The following IL1RAPL2 variants were observed in gnomAD, a reference collection of about 807,000 sequenced individuals.
IL1RAPL2 encodes the protein X-linked interleukin-1 receptor accessory protein-like 2.
IL1RAPL2 carries 3 observed loss-of-function variants against 44.1 expected under a neutral mutation model. That is an observed-to-expected ratio of 0.07 (90% CI 0.03 to 0.18). IL1RAPL2 has a LOEUF of 0.18. IL1RAPL2 is among the 10% of genes least tolerant of loss of function. The pLI is 1.00. For missense variants in IL1RAPL2, 391 were observed against 496.4 expected, an observed-to-expected ratio of 0.79 and a Z score of 2.02; for synonymous variants, 181 against 178.8, an observed-to-expected ratio of 1.01 and a Z score of -0.10.
chrX:104,939,688 C>T (rs1925115279), intron 2 of IL1RAPL2, among the ~76,000 whole-genome samples: 1 of 111,457 alleles, frequency 9.0e-6, no homozygotes, highest in Admixed American at 9.6e-5. Context: ...AAGGTGGAAA[C>T]AATCCAAGTG....
intron 2 of IL1RAPL2, among the ~76,000 whole-genome samples, chrX:104,891,267 G>T (rs765503688): frequency 3.6e-5 from 4 of 111,829 alleles, no homozygotes; most frequent in Non-Finnish European, 7.5e-5. Flanking sequence ...GCTTGGGATT[G>T]TCTTGGAAAT....
chrX:105,297,706 A>G (rs940897586), intron 5 of IL1RAPL2, among the ~76,000 whole-genome samples: 1 of 111,314 alleles, frequency 9.0e-6, no homozygotes, highest in South Asian at 3.8e-4. Flanking sequence ...CCTGGGGATT[A>G]TAATTCCAGA....
chrX:104,769,586 T>C (rs1932608820), intron 2 of IL1RAPL2, among the ~76,000 whole-genome samples: 1 of 112,319 alleles, frequency 8.9e-6, no homozygotes, highest in Non-Finnish European at 1.9e-5. Flanking sequence ...TCATGTAGGT[T>C]TATATTCCTG....
chrX:104,574,794 A>G (rs1046262756), intron 1 of IL1RAPL2, among the ~76,000 whole-genome samples: 1 of 112,119 alleles, frequency 8.9e-6, no homozygotes, highest in Non-Finnish European at 1.9e-5. Context: ...GTAGCTTACA[A>G]AGAAACACAA....
At chrX:105,082,451 T>C (rs1465686879) in intron 2 of IL1RAPL2, among the ~76,000 whole-genome samples, 2 of 111,709 alleles carry the variant, frequency 1.8e-5, no homozygotes, top group Non-Finnish European at 3.8e-5. Flanking sequence ...CAAACTTTAC[T>C]AAGGATCAGA....
intron 5 of IL1RAPL2, among the ~76,000 whole-genome samples, chrX:105,281,046 G>A (rs932642912): frequency 4.5e-5 from 5 of 111,746 alleles, no homozygotes; most frequent in African/African-American, 1.6e-4. Context: ...ATGATAGACT[G>A]GATAAAGAAA....
chrX:104,709,042 T>A (rs185671166), intron 2 of IL1RAPL2, among the ~76,000 whole-genome samples: 1 of 111,590 alleles, frequency 9.0e-6, no homozygotes, highest in African/African-American at 3.2e-5. Flanking sequence ...GAATTTAACA[T>A]GTTATAAGGA....
chrX:104,597,692 T>A (rs12013569), intron 1 of IL1RAPL2, among the ~76,000 whole-genome samples: 29 of 110,558 alleles, frequency 2.6e-4, no homozygotes, highest in African/African-American at 7.6e-4. Flanking sequence ...GGGAAGGTTT[T>A]TAGTTCCTTC....
intron 6 of IL1RAPL2, among the ~76,000 whole-genome samples, chrX:105,567,932 T>C (rs2036986210): frequency 9.0e-6 from 1 of 111,413 alleles, no homozygotes; most frequent in African/African-American, 3.3e-5. Flanking sequence ...CCCAGAGAGT[T>C]GCCTTCATGG....
At chrX:105,223,030 G>A (rs902391254) in intron 3 of IL1RAPL2, among the ~76,000 whole-genome samples, 2 of 110,139 alleles carry the variant, frequency 1.8e-5, no homozygotes, top group Admixed American at 1.9e-4. Context: ...CACGCCTGTA[G>A]TCCCAGCTAC....
intron 2 of IL1RAPL2, among the ~76,000 whole-genome samples, chrX:104,916,339 T>A (rs1296104150): frequency 8.9e-6 from 1 of 111,787 alleles, no homozygotes; most frequent in Non-Finnish European, 1.9e-5. Context: ...CAATTGTGAA[T>A]GGGAGTTCAC....
intron 2 of IL1RAPL2, among the ~76,000 whole-genome samples, chrX:105,021,583 T>G (rs1476291596): frequency 9.0e-6 from 1 of 111,268 alleles, no homozygotes; most frequent in Non-Finnish European, 1.9e-5. Context: ...AGTAATTATT[T>G]AGTGTACAGG....
chrX:105,616,188 A>G (rs1301592293), intron 6 of IL1RAPL2, among the ~76,000 whole-genome samples: 1 of 111,906 alleles, frequency 8.9e-6, no homozygotes, highest in Non-Finnish European at 1.9e-5. Context: ...AATATTCTCA[A>G]ATGGTTCAGG....
chrX:105,682,116 G>A (rs1350573372), intron 6 of IL1RAPL2, among the ~76,000 whole-genome samples: 1 of 111,573 alleles, frequency 9.0e-6, no homozygotes. Flanking sequence ...AGTTAAGCCT[G>A]CCGAAAAAAG....
chrX:104,878,356 G>A (rs1306419749), intron 2 of IL1RAPL2, among the ~76,000 whole-genome samples: 1 of 111,904 alleles, frequency 8.9e-6, no homozygotes, highest in Admixed American at 9.5e-5. Context: ...CAGGCACTGT[G>A]CTCTGTGCTT....
chrX:105,264,580 A>G (rs12846293), intron 4 of IL1RAPL2, among the ~76,000 whole-genome samples: 5,138 of 111,237 alleles, frequency 0.046, 101 homozygotes, highest in South Asian at 0.088. Context: ...CAACAAAGTA[A>G]CTTTGCAAAA....
chrX:105,741,483 T>A (rs947456324), intron 8 of IL1RAPL2, among the ~76,000 whole-genome samples: 3 of 111,631 alleles, frequency 2.7e-5, no homozygotes. Context: ...AGTGTTCTTG[T>A]TGCCCACGTT....
At chrX:105,722,421 A>G (rs957060155) in intron 7 of IL1RAPL2, among the ~76,000 whole-genome samples, 1 of 111,529 alleles carries the variant, frequency 9.0e-6, no homozygotes, top group Non-Finnish European at 1.9e-5. Flanking sequence ...CTAATTAACC[A>G]TGTCTTCTAG....
chrX:105,323,140 C>A (rs1201769229), intron 5 of IL1RAPL2, among the ~76,000 whole-genome samples: 1 of 111,802 alleles, frequency 8.9e-6, no homozygotes, highest in Admixed American at 9.5e-5. Flanking sequence ...AGAATTTAAC[C>A]AGTGTCTTTT....
Sources: gnomAD v4.1 joint callset for allele counts (sites outside exome capture counted in the v4.1 genomes callset) on GRCh38, gnomAD v4.1.1 for gene constraint, MANE v1.5 for transcripts, NCBI Gene and HGNC (gene_info 2026-07-23, HGNC 2026-07-21) for gene names.